RASSF8: variants seen among roughly 807,000 people sequenced by gnomAD.
RASSF8 encodes ras association domain-containing protein 8.
In RASSF8, 22 loss-of-function variants were observed where a neutral mutation model predicts 48.5. The observed-to-expected ratio is 0.45, with a 90% CI of 0.32 to 0.65. The LOEUF (loss-of-function observed/expected upper bound fraction) is 0.65, where lower values mean the gene tolerates loss of function less well. Ranked by LOEUF, RASSF8 falls within the 30% of genes least tolerant of loss-of-function variation. The pLI, the probability that RASSF8 is intolerant of heterozygous loss-of-function variation, is 0.03. For synonymous variants in RASSF8, 127 were observed against 171.5 expected, an observed-to-expected ratio of 0.74 and a Z score of 2.03; for missense variants, 418 against 489.2, an observed-to-expected ratio of 0.85 and a Z score of 1.37.
At chr12:26,021,054 C>G (rs1942776321) in intron 2 of RASSF8, among the ~76,000 whole-genome samples, 1 of 152,150 alleles carries the variant, frequency 6.6e-6, no homozygotes, top group African/African-American at 2.4e-5. Context: ...ACTCCAATTA[C>G]TTCGAAAATC....
intron 1 of RASSF8, among the ~76,000 whole-genome samples, chr12:25,964,426 A>C (rs1035412394): frequency 5.3e-5 from 8 of 152,178 alleles, no homozygotes; most frequent in African/African-American, 1.9e-4. Context: ...TTTAAAAAGA[A>C]ATCAGATGTA....
At chr12:25,997,873 C>T (rs1407224355) in intron 2 of RASSF8, among the ~76,000 whole-genome samples, 1 of 152,134 alleles carries the variant, frequency 6.6e-6, no homozygotes, top group African/African-American at 2.4e-5. Context: ...TAATAATTTG[C>T]ATGTTTCAGT....
intron 1 of RASSF8, among the ~76,000 whole-genome samples, chr12:25,990,079 T>A (rs1941978913): frequency 6.6e-6 from 1 of 152,204 alleles, no homozygotes; most frequent in Admixed American, 6.5e-5. Context: ...TGAGTGCCTA[T>A]TATTACTTTT....
downstream of RASSF8, among the ~76,000 whole-genome samples, chr12:26,074,896 T>C (rs1305058737): frequency 6.6e-6 from 1 of 152,116 alleles, no homozygotes; most frequent in Non-Finnish European, 1.5e-5. Context: ...TTGGTTGCCA[T>C]GGTAAGGAGT....
chr12:25,982,474 C>T (rs972947619), intron 1 of RASSF8, among the ~76,000 whole-genome samples: 2 of 152,128 alleles, frequency 1.3e-5, no homozygotes, highest in African/African-American at 4.8e-5. Context: ...CTGAATTACT[C>T]CTCTAGTAAA....
intron 1 of RASSF8, among the ~76,000 whole-genome samples, chr12:25,990,711 C>G (rs372520814): frequency 3.3e-5 from 5 of 152,128 alleles, no homozygotes; most frequent in Non-Finnish European, 5.9e-5. Context: ...GTGAAAAAAC[C>G]ACCTTGAATG....
intron 4 of RASSF8, among the ~76,000 whole-genome samples, chr12:26,066,099 T>C (rs1021425493): frequency 1.3e-5 from 2 of 152,150 alleles, no homozygotes; most frequent in East Asian, 3.8e-4. Flanking sequence ...GATTAAATAA[T>C]AAGGCAGTTA....
chr12:25,992,228 A>G (rs751678748), intron 1 of RASSF8, among the ~76,000 whole-genome samples: 24 of 152,180 alleles, frequency 1.6e-4, no homozygotes, highest in Admixed American at 4.6e-4. Flanking sequence ...GTGTTAGGCA[A>G]TGTGAATGCA....
intron 5 of RASSF8, among the ~76,000 whole-genome samples, chr12:26,068,161 C>A (rs1555171054): frequency 6.6e-6 from 1 of 151,906 alleles, no homozygotes; most frequent in Non-Finnish European, 1.5e-5. Flanking sequence ...CTTAAAAATT[C>A]TTTTTTTAAA....
chr12:25,994,596 T>C (rs1942089257), intron 1 of RASSF8, among the ~76,000 whole-genome samples: 1 of 152,200 alleles, frequency 6.6e-6, no homozygotes, highest in South Asian at 2.1e-4. Context: ...TGTTTTTATT[T>C]TTTAGGACTG....
upstream of RASSF8, chr12:25,958,531 G>A (rs1048925357): frequency 4.7e-5 from 7 of 150,292 alleles, no homozygotes; most frequent in Admixed American, 1.3e-4. Context: ...GGGCGCGGAG[G>A]AGCGGCGGCT....
chr12:26,010,597 T>A (rs546722802), intron 2 of RASSF8, among the ~76,000 whole-genome samples: 1 of 152,370 alleles, frequency 6.6e-6, no homozygotes, highest in South Asian at 2.1e-4. Context: ...TCTTCTCATA[T>A]TACCAGCTGG....
chr12:26,056,190 A>T (rs1421272093), intron 3 of RASSF8, among the ~76,000 whole-genome samples: 1 of 152,158 alleles, frequency 6.6e-6, no homozygotes, highest in Non-Finnish European at 1.5e-5. Flanking sequence ...CTCAATAAAT[A>T]AAATAAAATA....
At chr12:25,992,375 T>A (rs1419079720) in intron 1 of RASSF8, among the ~76,000 whole-genome samples, 1 of 152,196 alleles carries the variant, frequency 6.6e-6, no homozygotes. Flanking sequence ...CCTGGGCCAG[T>A]TATTTAACCT....
chr12:26,006,775 G>A (rs2137004852), intron 2 of RASSF8, among the ~76,000 whole-genome samples: 1 of 152,240 alleles, frequency 6.6e-6, no homozygotes, highest in South Asian at 2.1e-4. Flanking sequence ...CCATTGAGTG[G>A]GACAGTGTTG....
downstream of RASSF8, among the ~76,000 whole-genome samples, chr12:26,074,108 C>T (rs1944049088): frequency 6.6e-6 from 1 of 152,040 alleles, no homozygotes; most frequent in Non-Finnish European, 1.5e-5. Context: ...GTTAATTATC[C>T]ACCCTGTCCT....
intron 1 of RASSF8, among the ~76,000 whole-genome samples, chr12:25,986,853 G>A (rs947020691): frequency 2.0e-5 from 3 of 151,704 alleles, no homozygotes; most frequent in Admixed American, 1.3e-4. Context: ...TTATGGATTC[G>A]TACACACTGT....
chr12:25,994,578 T>G (rs978056427), intron 1 of RASSF8, among the ~76,000 whole-genome samples: 1 of 152,202 alleles, frequency 6.6e-6, no homozygotes, highest in African/African-American at 2.4e-5. Context: ...AAAAGTGCAG[T>G]GTATTTTTGT....
At chr12:26,020,202 G>C (rs1366047744) in intron 2 of RASSF8, 1 of 152,124 alleles carries the variant, frequency 6.6e-6, no homozygotes, top group Non-Finnish European at 1.5e-5. Flanking sequence ...GCATAGATTA[G>C]AGTGACGTGG....
Sources: allele counts gnomAD v4.1 joint callset (sites outside exome capture counted in the v4.1 genomes callset), GRCh38; gene constraint gnomAD v4.1.1; transcripts MANE v1.5; gene names NCBI Gene and HGNC (gene_info 2026-07-23, HGNC 2026-07-21).